Variants in DNMT3A observed in about 807,000 individuals in gnomAD.
The protein encoded by DNMT3A is DNA methyltransferase 3 alpha.
In DNMT3A, 267 loss-of-function variants were observed where a neutral mutation model predicts 117.6. The ratio of observed to expected loss-of-function variants is 2.27; its 90% CI spans 2.05 to 2.51. DNMT3A has a LOEUF of 2.51. Ranked by LOEUF, DNMT3A falls within the 30% of genes most tolerant of loss-of-function variation. DNMT3A has a pLI of 0.00. For missense variants in DNMT3A, 1,029 were observed against 1,260.2 expected (o/e 0.82, Z 2.78); for synonymous variants, 432 against 474.8 (o/e 0.91, Z 1.17).
intron 3 of DNMT3A, among the ~76,000 whole-genome samples, chr2:25,285,121 C>T (rs1455631535): frequency 6.6e-6 from 1 of 152,122 alleles, no homozygotes; most frequent in Non-Finnish European, 1.5e-5. Context: ...GTGGTCAGGC[C>T]GGGTGAAAGG....
chr2:25,248,258 G>C lies in DNMT3A; in HGVS notation c.640-6C>G. 1 of 1,610,606 alleles carries C rather than the reference G, an allele frequency of 6.2e-7. No individual in the cohort carries two copies. Among genetic ancestry groups the C allele is most frequent in the Non-Finnish European group, 8.5e-7 (1 of 1,179,122 alleles). On this transcript the variant is annotated splice_region_variant and splice_polypyrimidine_tract_variant and intron_variant, in intron 6 of 22. Transcript: ENST00000321117. ...ACCTTGGCTTTCTTCTCAGCCTGGG[G>C]AAACAAAAAACAAAAAGTCACCTTG...
intron 2 of DNMT3A, 81 bp from the exon 3 acceptor site, chr2:25,300,324 G>A: frequency 6.7e-7 from 1 of 1,492,920 alleles, no homozygotes; most frequent in Admixed American, 2.0e-5. Flanking sequence ...GGCTGGCCCT[G>A]GCTTCCCTTC....
At chr2:25,300,833 CTCTT>C (rs1239830323) in intron 2 of DNMT3A, among the ~76,000 whole-genome samples, 4 of 136,992 alleles carry the variant, frequency 2.9e-5, no homozygotes, top group Non-Finnish European at 4.7e-5. Flanking sequence ...GCATCTCTCT[CTCTT>C]TATGACCACA....
intron 14 of DNMT3A, 49 bp downstream of exon 14, chr2:25,244,491 G>C: frequency 6.2e-7 from 1 of 1,604,856 alleles, no homozygotes; most frequent in Non-Finnish European, 8.5e-7. Flanking sequence ...TGGGCGGCGG[G>C]AGCCTGGGGC....
At chr2:25,239,288 G>A (rs989962170) in intron 19 of DNMT3A, 73 bp from the exon 20 acceptor site, 10 of 1,366,372 alleles carry the variant, frequency 7.3e-6, no homozygotes, top group Middle Eastern at 1.8e-4. Flanking sequence ...TGCTGGGGTC[G>A]AGCCTTAAAG....
At chr2:25,310,096 C>G (rs980269215) in intron 2 of DNMT3A, among the ~76,000 whole-genome samples, 1 of 152,142 alleles carries the variant, frequency 6.6e-6, no homozygotes, top group Admixed American at 6.5e-5. Flanking sequence ...ATGCACATAG[C>G]ACCCGGCAGT....
chr2:25,246,921 C>A (rs1674866938), intron 9 of DNMT3A, 130 bp downstream of exon 9: 3 of 1,475,446 alleles, frequency 2.0e-6, no homozygotes, highest in Non-Finnish European at 2.8e-6. Flanking sequence ...TGCATACGGG[C>A]GAGCGAGGTG....
intron 6 of DNMT3A, among the ~76,000 whole-genome samples, chr2:25,272,343 A>T (rs776995439): frequency 9.8e-5 from 15 of 152,326 alleles, no homozygotes; most frequent in Admixed American, 2.0e-4. Context: ...TGTATCTATG[A>T]TCTAATTTTT....
intron 1 of DNMT3A, among the ~76,000 whole-genome samples, chr2:25,338,783 T>C (rs1489253815): frequency 6.6e-6 from 1 of 152,218 alleles, no homozygotes; most frequent in Non-Finnish European, 1.5e-5. Flanking sequence ...CCGGTGACCC[T>C]GGACAAGGAT....
At chr2:25,331,474 G>C (rs1489822359) in intron 1 of DNMT3A, among the ~76,000 whole-genome samples, 3 of 152,204 alleles carry the variant, frequency 2.0e-5, no homozygotes, top group African/African-American at 4.8e-5. Flanking sequence ...TGAATGGAGA[G>C]TGACGGAAAG....
Position 25,240,427 on chromosome 2 carries a change from C to G in DNMT3A, c.2197G>C (p.Glu733Gln). The G allele has an allele frequency of 6.2e-7, 1 of 1,611,204 alleles. No homozygotes were observed. Among genetic ancestry groups the G allele is most frequent in the Non-Finnish European group, 8.5e-7 (1 of 1,178,634 alleles). ...LYEGTGRLFFEFYRLLHDARP... is the reference protein window; with the variant it reads ...LYEGTGRLFFQFYRLLHDARP... ...GCATCATGCAGGAGGCGGTAGAACT[C>G]AAAGAAGAGCCGGCCAGTGCCCTCT... The change falls in exon 19 of 23, where the codon GAG (glutamate) becomes CAG (glutamine). Residue 733 changes from glutamate (E) to glutamine (Q), a missense_variant. Coordinates refer to ENST00000321117, the MANE Select transcript of DNMT3A (RefSeq NM_022552.5).
At chr2:25,322,878 G>C (rs758096720) in intron 1 of DNMT3A, among the ~76,000 whole-genome samples, 1 of 151,954 alleles carries the variant, frequency 6.6e-6, no homozygotes, top group Non-Finnish European at 1.5e-5. Flanking sequence ...CTCACCCTAA[G>C]GGCCCCTTCT....
chr2:25,293,343 G>T lies in DNMT3A; in HGVS notation c.177+6796C>A, dbSNP rs1249589327. Among the ~76,000 whole-genome samples, 1 of 152,144 alleles carries T rather than the reference G, an allele frequency of 6.6e-6. No individual in the cohort carries two copies. Among genetic ancestry groups the T allele is most frequent in the Non-Finnish European group, 1.5e-5 (1 of 68,026 alleles). On this transcript the variant is annotated intron_variant, in intron 3 of 22. Transcript: ENST00000321117. The surrounding 1 kb of genome is among the most constrained non-coding windows in gnomAD (Gnocchi z 4.7). ...CTCAGGGATGAACGCCATGCTCATGGGTGCCAGAGCCAATTTCTCAAACAC... is the reference window on the plus strand; with the variant it reads ...CTCAGGGATGAACGCCATGCTCATGTGTGCCAGAGCCAATTTCTCAAACAC...
In DNMT3A at chr2:25,246,705, G is replaced by A. The variant is rs771414753; in HGVS notation, c.1194C>T (p.Ala398=). The A allele has an allele frequency of 2.4e-5, 39 of 1,613,742 alleles. No individual in the cohort carries two copies. The highest frequency in any genetic ancestry group is 2.9e-5 in the Non-Finnish European group (34 of 1,180,036). Residue 398 remains alanine (A), a synonymous_variant, in exon 10 of 23, where the codon GCC becomes GCT. Coordinates refer to ENST00000321117, the MANE Select transcript of DNMT3A (RefSeq NM_022552.5). The part of the protein sequence containing the change: ...HDSDESDTAK[A]VEVQNKPMIE... Reference sequence around the variant, plus strand: ...TCATGGGCTTGTTCTGCACCTCCACGGCCTTGGCAGTGTCACTCTCATCGC... The same window carrying A: ...TCATGGGCTTGTTCTGCACCTCCACAGCCTTGGCAGTGTCACTCTCATCGC...
chr2:25,251,162 G>GGA (rs1675498271), intron 6 of DNMT3A, among the ~76,000 whole-genome samples: 1 of 140,900 alleles, frequency 7.1e-6, no homozygotes, highest in Non-Finnish European at 1.5e-5. Flanking sequence ...GCGGGGGGGG[G>GGA]GGTGGGTGAG....
intron 1 of DNMT3A, among the ~76,000 whole-genome samples, chr2:25,340,762 C>G (rs1198938280): frequency 6.6e-6 from 1 of 151,568 alleles, no homozygotes; most frequent in Non-Finnish European, 1.5e-5. Flanking sequence ...TGGGAGTGTG[C>G]GCGGGGGTGC....
chr2:25,323,566 C>T (rs1218822808), intron 1 of DNMT3A, among the ~76,000 whole-genome samples: 1 of 152,234 alleles, frequency 6.6e-6, no homozygotes, highest in Admixed American at 6.5e-5. Context: ...TTCCACCTCA[C>T]AGCGCTGCTG....
rs1409182058 is a variant in DNMT3A at position 25,252,297 on chromosome 2, T to C, written c.640-4045A>G. On this transcript the variant is annotated intron_variant, in intron 6 of 22. Coordinates refer to ENST00000321117, the MANE Select transcript of DNMT3A (RefSeq NM_022552.5). The surrounding 1 kb of genome is among the most constrained non-coding windows in gnomAD (Gnocchi z 5.5). ...GTCTTGGGGGAGGGGAAGGGGGCGA[T>C]GGGGCTGGGGGCGGAGGGGGCCACT... is the stretch of plus-strand genomic sequence containing the variant. The C allele has an allele frequency of 4.7e-4, 26 of 55,192 alleles. No individual in the cohort carries two copies. The highest frequency in any genetic ancestry group is 0.011 in the Middle Eastern group (2 of 180). The allele number at this position is 55,192 out of a possible 1,614,324, so 3.4% of individuals were successfully genotyped here. A position where few individuals can be genotyped will look rare whatever the true frequency, so the allele number is the denominator to read the frequency against.
At chr2:25,241,767 G>A (rs1406497232) in intron 16 of DNMT3A, 60 bp from the exon 17 acceptor site, 13 of 1,586,516 alleles carry the variant, frequency 8.2e-6, no homozygotes, top group African/African-American at 1.4e-5. Context: ...CCCTGGTCTC[G>A]GCAGGTGAGC....
Sources: allele counts gnomAD v4.1 joint callset (sites outside exome capture counted in the v4.1 genomes callset), GRCh38; gene constraint gnomAD v4.1.1; non-coding constraint Gnocchi (gnomAD v3.1); transcripts MANE v1.5; gene names NCBI Gene and HGNC (gene_info 2026-07-23, HGNC 2026-07-21).